PIGK: variants seen among roughly 807,000 people sequenced by gnomAD.
PIGK encodes GPI-anchor transamidase.
A neutral mutation model predicts 50.6 loss-of-function variants in PIGK; 42 were observed. The observed-to-expected ratio is 0.83, with a 90% CI of 0.65 to 1.07. The LOEUF (loss-of-function observed/expected upper bound fraction) is 1.07. PIGK is among the 50% of genes least tolerant of loss of function. PIGK has a pLI of 0.00. For missense variants in PIGK, 448 were observed against 488.7 expected (o/e 0.92, Z 0.78); for synonymous variants, 151 against 156.0 (o/e 0.97, Z 0.24).
chr1:77,127,282 C>G (rs868117834), intron 9 of PIGK, among the ~76,000 whole-genome samples: 1 of 152,110 alleles, frequency 6.6e-6, no homozygotes, highest in Non-Finnish European at 1.5e-5. Flanking sequence ...CTGTGCTATC[C>G]AAGTACTCCT....
intron 10 of PIGK, among the ~76,000 whole-genome samples, chr1:77,093,851 T>C (rs997767677): frequency 1.3e-5 from 2 of 152,118 alleles, no homozygotes; most frequent in Non-Finnish European, 2.9e-5. Context: ...TACAAGACGG[T>C]AAGTTCGGTG....
chr1:77,118,975 T>A (rs1418866806), intron 10 of PIGK, among the ~76,000 whole-genome samples: 1 of 152,214 alleles, frequency 6.6e-6, no homozygotes, highest in Non-Finnish European at 1.5e-5. Context: ...ATATTTCTTA[T>A]CATGAATTGG....
chr1:77,140,398 G>A (rs768866586), intron 9 of PIGK, among the ~76,000 whole-genome samples: 15 of 150,560 alleles, frequency 1.0e-4, no homozygotes, highest in Non-Finnish European at 1.9e-4. Flanking sequence ...ACCATATGAT[G>A]TGCCTGTTCC....
chr1:77,195,507 T>C, intron 3 of PIGK: 1 of 618,350 alleles, frequency 1.6e-6, no homozygotes, highest in Non-Finnish European at 2.6e-6. Flanking sequence ...GCACACAGTT[T>C]TACGGAAATT....
chr1:77,137,966 T>A (rs1051000359), intron 9 of PIGK, among the ~76,000 whole-genome samples: 2 of 152,198 alleles, frequency 1.3e-5, no homozygotes, highest in Non-Finnish European at 2.9e-5. Context: ...AAGTCATATA[T>A]CTAATGTTCT....
chr1:77,163,551 T>A (rs1018245932), intron 6 of PIGK, among the ~76,000 whole-genome samples: 1 of 152,120 alleles, frequency 6.6e-6, no homozygotes, highest in Non-Finnish European at 1.5e-5. Flanking sequence ...CAGATGTTCA[T>A]AATCTCCATA....
At chr1:77,205,196 C>T (rs1194511170) in intron 3 of PIGK, among the ~76,000 whole-genome samples, 2 of 151,896 alleles carry the variant, frequency 1.3e-5, no homozygotes, top group African/African-American at 4.8e-5. Context: ...ATTGCCAAGC[C>T]ATGCATAGTG....
chr1:77,154,388 C>CA (rs770940038), intron 9 of PIGK, 61 bp downstream of exon 9: 4 of 1,327,646 alleles, frequency 3.0e-6, no homozygotes, highest in Admixed American at 2.0e-5. Flanking sequence ...TACAATGTTT[C>CA]AAAAAAATGT....
At chr1:77,183,773 T>C (rs1655675189) in intron 3 of PIGK, among the ~76,000 whole-genome samples, 1 of 152,152 alleles carries the variant, frequency 6.6e-6, no homozygotes, top group Non-Finnish European at 1.5e-5. Flanking sequence ...GATTAAAAGA[T>C]GGCCCACTGT....
At position 77,169,340 on chromosome 1, in the gene PIGK, G is replaced by C. The variant is rs771114122; in HGVS notation, c.295C>G (p.Pro99Ala). The change falls in exon 4 of 11, where the codon CCA becomes GCA. Residue 99 changes from proline to alanine, a missense_variant. Pro to Ala is a conservative substitution (Grantham distance 27). Coordinates refer to ENST00000370812, the MANE Select transcript of PIGK (RefSeq NM_005482.3). ...DMACNPRNPK[P>A]ATVFSHKNME... ...TTCTTGTGACTAAACACTGTAGCTG[G>C]TTTGGGATTTCTAGGATTACAGGCC... 1.6e-5 allele frequency: 26 copies of C among 1,606,712 alleles called. No individual in the cohort carries two copies. Among genetic ancestry groups the C allele is most frequent in the Non-Finnish European group, 2.0e-5 (24 of 1,175,528 alleles).
chr1:77,210,214 A>ATTTATT (rs1403465966), intron 2 of PIGK, among the ~76,000 whole-genome samples: 1 of 152,070 alleles, frequency 6.6e-6, no homozygotes, highest in Non-Finnish European at 1.5e-5. Context: ...TTATTCTTAC[A>ATTTATT]TTTATTTTCA....
At chr1:77,192,172 G>A (rs1655923900) in intron 3 of PIGK, among the ~76,000 whole-genome samples, 2 of 152,008 alleles carry the variant, frequency 1.3e-5, no homozygotes, top group African/African-American at 4.8e-5. Flanking sequence ...CTAAATATAG[G>A]GACACAACAC....
At chr1:77,137,315 T>C (rs972145431) in intron 9 of PIGK, among the ~76,000 whole-genome samples, 9 of 152,182 alleles carry the variant, frequency 5.9e-5, no homozygotes, top group Admixed American at 1.3e-4. Context: ...ACCATGAAGG[T>C]TGAGCCCATC....
Position 77,097,938 on chromosome 1 carries a change from T to C in PIGK, c.1072-5448A>G, listed in dbSNP as rs190172005. The stretch of plus-strand genomic sequence containing the variant: ...GTAAGGTAAACAATCTACATTACTC[T>C]ACAGAGAGGGGTAAACAGTCAGAAA... On this transcript the variant is annotated intron_variant, in intron 10 of 10. Transcript: ENST00000370812. Among the ~76,000 whole-genome samples, 417 of 152,232 alleles carry C rather than the reference T, an allele frequency of 2.7e-3. 1 individual carries two copies. Among genetic ancestry groups the C allele is most frequent in the African/African-American group, 9.2e-3 (384 of 41,544 alleles).
intron 3 of PIGK, among the ~76,000 whole-genome samples, chr1:77,204,081 T>A (rs1656232156): frequency 6.6e-6 from 1 of 152,116 alleles, no homozygotes; most frequent in Admixed American, 6.6e-5. Flanking sequence ...CCTGACTGCC[T>A]AAGGGGCCAG....
At chr1:77,188,200 C>T (rs1296991639) in intron 3 of PIGK, among the ~76,000 whole-genome samples, 5 of 152,060 alleles carry the variant, frequency 3.3e-5, no homozygotes, top group Admixed American at 6.5e-5. Flanking sequence ...ACTGGTGAGC[C>T]GGGCAGAACA....
At chr1:77,125,719 C>T (rs374244093) in intron 9 of PIGK, among the ~76,000 whole-genome samples, 7 of 152,160 alleles carry the variant, frequency 4.6e-5, no homozygotes, top group Middle Eastern at 6.8e-3. Context: ...CCCAGGTATA[C>T]AGGAAACAGG....
At chr1:77,106,452 C>G (rs141581574) in intron 10 of PIGK, among the ~76,000 whole-genome samples, 8 of 152,232 alleles carry the variant, frequency 5.3e-5, no homozygotes, top group African/African-American at 1.9e-4. Flanking sequence ...AAACAACATT[C>G]CTTTTAAAAT....
At chr1:77,175,544 A>T (rs1281157172) in intron 3 of PIGK, among the ~76,000 whole-genome samples, 1 of 152,198 alleles carries the variant, frequency 6.6e-6, no homozygotes, top group East Asian at 1.9e-4. Context: ...CAAGGTGTAT[A>T]AGGAAAGTAA....
Sources: allele counts gnomAD v4.1 joint callset (sites outside exome capture counted in the v4.1 genomes callset), GRCh38; gene constraint gnomAD v4.1.1; transcripts MANE v1.5; gene names NCBI Gene and HGNC (gene_info 2026-07-23, HGNC 2026-07-21).